The following HIVEP1 variants were observed in gnomAD, a reference collection of about 807,000 sequenced individuals.
HIVEP1 encodes zinc finger protein 40.
HIVEP1 carries 36 observed loss-of-function variants against 180.0 expected under a neutral mutation model. The observed-to-expected ratio is 0.20, with a 90% confidence interval of 0.15 to 0.26. HIVEP1 has a LOEUF of 0.26. Ranked by LOEUF, HIVEP1 falls within the 10% of genes least tolerant of loss-of-function variation. The probability of loss-of-function intolerance (pLI) is 1.00; values close to 1 mark genes in which losing one functional copy is unlikely to be tolerated. For missense variants in HIVEP1, 3,143 were observed against 3,268.7 expected, an observed-to-expected ratio of 0.96 and a Z score of 0.94; for synonymous variants, 1,239 against 1,239.0, an observed-to-expected ratio of 1.00 and a Z score of 0.00.
intron 7 of HIVEP1, among the ~76,000 whole-genome samples, chr6:12,140,107 C>T (rs1758931685): frequency 6.6e-6 from 1 of 152,222 alleles, no homozygotes; most frequent in Non-Finnish European, 1.5e-5. Flanking sequence ...ACACCTCATA[C>T]AGGCGGGTAC....
chr6:12,066,161 C>A (rs548483165), intron 2 of HIVEP1, among the ~76,000 whole-genome samples: 2 of 152,068 alleles, frequency 1.3e-5, no homozygotes, highest in East Asian at 3.9e-4. Flanking sequence ...GCGATTCTTA[C>A]GCTGGATGGG....
chr6:12,091,472 T>C (rs1223507046), intron 3 of HIVEP1, among the ~76,000 whole-genome samples: 3 of 152,100 alleles, frequency 2.0e-5, no homozygotes, highest in Non-Finnish European at 4.4e-5. Context: ...TTAGGACAAG[T>C]AACTAATTTA....
intron 3 of HIVEP1, among the ~76,000 whole-genome samples, chr6:12,108,794 A>G (rs1774673472): frequency 6.6e-6 from 1 of 152,114 alleles, no homozygotes; most frequent in African/African-American, 2.4e-5. Flanking sequence ...CTGCAAGCTG[A>G]GGGAGCCGGC....
At chr6:12,173,256 A>G in the HIVEP1 span, among the ~76,000 whole-genome samples, 1 of 152,202 alleles carries the variant, frequency 6.6e-6, no homozygotes, top group African/African-American at 2.4e-5. Context: ...ACAGCATAAC[A>G]TATTATATTA....
chr6:12,055,323 A>C (rs1581592171), intron 2 of HIVEP1, among the ~76,000 whole-genome samples: 1 of 152,080 alleles, frequency 6.6e-6, no homozygotes, highest in African/African-American at 2.4e-5. Flanking sequence ...AAATGCAAAA[A>C]TTAGCTGGGC....
chr6:12,083,992 G>A (rs1014389789), intron 2 of HIVEP1, among the ~76,000 whole-genome samples: 1 of 152,242 alleles, frequency 6.6e-6, no homozygotes, highest in African/African-American at 2.4e-5. Flanking sequence ...AAATACTGTA[G>A]AATGCCTTCT....
chr6:12,117,810 GTA>G (rs747741342), intron 3 of HIVEP1, among the ~76,000 whole-genome samples: 3 of 152,096 alleles, frequency 2.0e-5, no homozygotes, highest in Non-Finnish European at 4.4e-5. Flanking sequence ...CTCTGTTTTT[GTA>G]TTTATTTTAA....
At chr6:12,206,414 C>T in the HIVEP1 span, among the ~76,000 whole-genome samples, 7 of 152,242 alleles carry the variant, frequency 4.6e-5, no homozygotes, top group African/African-American at 7.2e-5. Flanking sequence ...GGATTACAGG[C>T]GTGAGCTACA....
At chr6:12,126,716 T>C (rs1758090384) in intron 4 of HIVEP1, among the ~76,000 whole-genome samples, 1 of 152,204 alleles carries the variant, frequency 6.6e-6, no homozygotes. Context: ...CATAGAATTA[T>C]GAACAATTCT....
chr6:12,042,248 T>G, intron 2 of HIVEP1, among the ~76,000 whole-genome samples: 1 of 148,260 alleles, frequency 6.7e-6, no homozygotes, highest in Non-Finnish European at 1.5e-5. Flanking sequence ...CCTGGCTAAT[T>G]TTTTTTGTAT....
chr6:12,206,097 G>A, the HIVEP1 span, among the ~76,000 whole-genome samples: 30 of 152,152 alleles, frequency 2.0e-4, no homozygotes, highest in African/African-American at 7.0e-4. Context: ...CAATATGACT[G>A]GTGTCCTTGT....
At position 12,120,155 on chromosome 6, in the gene HIVEP1, T is replaced by A; in HGVS notation, c.360T>A (p.Ala120=). 1 of 1,614,210 alleles carries A rather than the reference T, an allele frequency of 6.2e-7. No homozygotes were observed. The highest frequency in any genetic ancestry group is 8.5e-7 in the Non-Finnish European group (1 of 1,180,028). The change falls in exon 4 of 9, where the codon GCT becomes GCA. Residue 120 remains alanine, a synonymous_variant. Coordinates refer to ENST00000379388, the MANE Select transcript of HIVEP1 (RefSeq NM_002114.4). ...ATGGAGAAACACCTGGAATAATTGC[T>A]GAAGCCTCAAAATCTGAAGAATCTG... ...KQNGETPGII[A]EASKSEESVS...
the HIVEP1 span, among the ~76,000 whole-genome samples, chr6:12,202,880 CTT>C: frequency 6.6e-6 from 1 of 152,180 alleles, no homozygotes; most frequent in Non-Finnish European, 1.5e-5. Flanking sequence ...AGAATTCCCT[CTT>C]CTTTCAATTG....
At chr6:12,035,810 T>G (rs1314873051) in intron 2 of HIVEP1, among the ~76,000 whole-genome samples, 4 of 152,156 alleles carry the variant, frequency 2.6e-5, no homozygotes, top group Non-Finnish European at 5.9e-5. Context: ...ACATTGAGAT[T>G]TCATTCTAGG....
At chr6:12,068,639 A>G (rs1178201780) in intron 2 of HIVEP1, among the ~76,000 whole-genome samples, 1 of 152,176 alleles carries the variant, frequency 6.6e-6, no homozygotes, top group Non-Finnish European at 1.5e-5. Flanking sequence ...GTATTTGTGA[A>G]GATATATGTG....
chr6:12,040,166 CT>C (rs1170743218), intron 2 of HIVEP1, among the ~76,000 whole-genome samples: 1 of 152,158 alleles, frequency 6.6e-6, no homozygotes, highest in African/African-American at 2.4e-5. Context: ...GGGATCTGGG[CT>C]TTTATCAAAG....
chr6:12,135,957 C>T (rs898482005), intron 7 of HIVEP1, 65 bp downstream of exon 7: 2 of 944,462 alleles, frequency 2.1e-6, no homozygotes, highest in Non-Finnish European at 3.4e-6. Context: ...TGCTTCCATA[C>T]CCTTTCCATT....
At chr6:12,102,850 G>C (rs921790462) in intron 3 of HIVEP1, among the ~76,000 whole-genome samples, 1 of 152,120 alleles carries the variant, frequency 6.6e-6, no homozygotes, top group Non-Finnish European at 1.5e-5. Context: ...TTGTGACCCA[G>C]TGTTGTTATG....
the HIVEP1 span, among the ~76,000 whole-genome samples, chr6:12,172,114 A>G: frequency 1.3e-5 from 2 of 152,216 alleles, no homozygotes; most frequent in Admixed American, 6.5e-5. Flanking sequence ...TAAGTCAGGA[A>G]TCAAGTTTTG....
Sources: allele counts gnomAD v4.1 joint callset (sites outside exome capture counted in the v4.1 genomes callset), GRCh38; gene constraint gnomAD v4.1.1; transcripts MANE v1.5; gene names NCBI Gene and HGNC (gene_info 2026-07-23, HGNC 2026-07-21).